SGK2: variants seen among roughly 807,000 people sequenced by gnomAD.
SGK2 encodes serine/threonine-protein kinase Sgk2.
A neutral mutation model predicts 47.5 loss-of-function variants in SGK2; 36 were observed. The observed-to-expected ratio is 0.76, with a 90% CI of 0.58 to 1.00. The LOEUF is 1.00. SGK2 is among the 50% of genes least tolerant of loss of function. SGK2 has a pLI of 0.00. For missense variants in SGK2, 404 were observed against 467.4 expected (o/e 0.86, Z 1.25); for synonymous variants, 157 against 181.9 (o/e 0.86, Z 1.10).
At chr20:43,568,705 A>C in intron 5 of SGK2, among the ~76,000 whole-genome samples, 1 of 152,024 alleles carries the variant, frequency 6.6e-6, no homozygotes, top group East Asian at 1.9e-4. Flanking sequence ...TCCTGGCCTC[A>C]AGAGATCCGC....
At chr20:43,573,803 G>A (rs1321217339) in intron 9 of SGK2, among the ~76,000 whole-genome samples, 1 of 152,156 alleles carries the variant, frequency 6.6e-6, no homozygotes, top group Non-Finnish European at 1.5e-5. Context: ...GTGTTTGCTG[G>A]ATAAAGCCAG....
intron 7 of SGK2, 45 bp downstream of exon 7, chr20:43,570,774 C>A: frequency 6.9e-7 from 1 of 1,439,570 alleles, no homozygotes; most frequent in Non-Finnish European, 9.7e-7. Context: ...GCCCTTCTTG[C>A]TCCAACAGCT....
intron 1 of SGK2, among the ~76,000 whole-genome samples, chr20:43,560,136 A>G (rs909256677): frequency 2.6e-5 from 4 of 152,070 alleles, no homozygotes; most frequent in African/African-American, 9.7e-5. Context: ...CCCACCAGGA[A>G]CTCAGTACTT....
chr20:43,564,832 A>G (rs1979591599), intron 1 of SGK2: 1 of 152,650 alleles, frequency 6.6e-6, no homozygotes, highest in South Asian at 2.1e-4. Context: ...TGACACATAC[A>G]TGCAATCATC....
At chr20:43,569,114 A>T (rs1393649276) in intron 5 of SGK2, among the ~76,000 whole-genome samples, 1 of 152,158 alleles carries the variant, frequency 6.6e-6, no homozygotes, top group East Asian at 1.9e-4. Flanking sequence ...TTTGCTTTTC[A>T]CTCCAAGGGC....
At chr20:43,573,530 G>A (rs929329430) in intron 9 of SGK2, among the ~76,000 whole-genome samples, 3 of 150,586 alleles carry the variant, frequency 2.0e-5, no homozygotes, top group African/African-American at 7.3e-5. Flanking sequence ...ACTCCCACCA[G>A]TCTTGGACCT....
Position 43,572,114 on chromosome 20 carries a change from TC to T in SGK2, c.576del (p.Thr193HisfsTer103). 1 of 1,549,358 alleles carries T rather than the reference TC, an allele frequency of 6.5e-7. No individual in the cohort carries two copies. Among genetic ancestry groups the T allele is most frequent in the East Asian group, 2.4e-5 (1 of 41,002 alleles). On this transcript the variant is annotated frameshift_variant, in exon 9 of 13. Coordinates refer to ENST00000373100, the MANE Select transcript of SGK2 (RefSeq NM_170693.3). LOFTEE classifies it high-confidence loss of function. The surrounding 1 kb of genome is among the most constrained non-coding windows in gnomAD (Gnocchi z 4.2). The part of the protein sequence containing the change: ...KEGVEPEDTT[S>X]TFCGTPEYLA... ...AGGTGTAGAGCCTGAAGACACCACA[TC>T]CACATTCTGTGGTACCCCTGAGGTA...
At chr20:43,559,672 G>C (rs1979274298) in intron 1 of SGK2, among the ~76,000 whole-genome samples, 1 of 152,202 alleles carries the variant, frequency 6.6e-6, no homozygotes, top group South Asian at 2.1e-4. Flanking sequence ...GTGAAGACAG[G>C]GACAGCAGCA....
At chr20:43,569,603 G>C (rs973162894) in intron 6 of SGK2, 87 bp downstream of exon 6, 6 of 1,485,006 alleles carry the variant, frequency 4.0e-6, no homozygotes, top group Non-Finnish European at 5.5e-6. Flanking sequence ...CCAAGTTCTG[G>C]AATGATCTCA....
chr20:43,566,274 T>C, intron 1 of SGK2, 199 bp from the exon 2 acceptor site: 2 of 1,467,210 alleles, frequency 1.4e-6, no homozygotes, highest in Non-Finnish European at 9.4e-7. Context: ...AGATGTTTGT[T>C]AGGAAGTCTG....
intron 1 of SGK2, chr20:43,566,240 G>T: frequency 1.7e-6 from 2 of 1,197,452 alleles, no homozygotes; most frequent in South Asian, 3.0e-5. Context: ...GCCACACCCT[G>T]ACCATCCCCC....
At chr20:43,579,880 C>T in intron 11 of SGK2, 92 bp from the exon 12 acceptor site, 2 of 806,740 alleles carry the variant, frequency 2.5e-6, no homozygotes, top group Non-Finnish European at 4.4e-6. Flanking sequence ...CAGCCAGTTG[C>T]TTGTGGAGCT....
At chr20:43,571,520 T>A (rs1001573071) in intron 8 of SGK2, among the ~76,000 whole-genome samples, 5 of 151,972 alleles carry the variant, frequency 3.3e-5, no homozygotes, top group Admixed American at 2.0e-4. Context: ...TGAGCTGGGG[T>A]GGGTCTCTAG....
intron 1 of SGK2, among the ~76,000 whole-genome samples, chr20:43,563,307 C>A (rs1482053670): frequency 1.3e-5 from 2 of 152,078 alleles, no homozygotes; most frequent in Admixed American, 1.3e-4. Context: ...GGAGGAAAAT[C>A]CAGCACAAGA....
chr20:43,560,079 G>C (rs1241684297), intron 1 of SGK2, among the ~76,000 whole-genome samples: 1 of 152,154 alleles, frequency 6.6e-6, no homozygotes, highest in Non-Finnish European at 1.5e-5. Flanking sequence ...GGGGGTCACA[G>C]TCAAGGTGAT....
At position 43,584,956 on chromosome 20, in the gene SGK2, C is replaced by G; in HGVS notation, c.1044C>G (p.Ala348=). The G allele has an allele frequency of 6.2e-7, 1 of 1,614,126 alleles. No individual in the cohort carries two copies. The highest frequency in any genetic ancestry group is 1.1e-5 in the South Asian group (1 of 91,070). ...ACACTGTGGCCAGCAGCTCTGGGGCCTCAAGTGCATTCCTGGGATTTTCTT... is the reference window on the plus strand; with the variant it reads ...ACACTGTGGCCAGCAGCTCTGGGGCGTCAAGTGCATTCCTGGGATTTTCTT... ...TPDTVASSSG[A]SSAFLGFSYA... Residue 348 remains alanine (A), a synonymous_variant, in exon 13 of 13, where the codon GCC becomes GCG. Transcript: ENST00000373100.
Position 43,565,592 on chromosome 20 carries a change from C to A in SGK2, c.-23-881C>A, listed in dbSNP as rs960957920. 4.6e-5 allele frequency among the ~76,000 whole-genome samples: 7 copies of A among 152,300 alleles called. 1 individual carries two copies. Among genetic ancestry groups the A allele is most frequent in the Non-Finnish European group, 7.4e-5 (5 of 68,022 alleles). ...GATAGGAAATCTCTACTCAGAGAGG[C>A]TGGGCTGCAGCCCAGGCCCCACAGT... is the stretch of plus-strand genomic sequence containing the variant. On this transcript the variant is annotated intron_variant, in intron 1 of 12. Transcript: ENST00000373100.
At chr20:43,574,337 C>T (rs889572666) in intron 9 of SGK2, among the ~76,000 whole-genome samples, 7 of 152,140 alleles carry the variant, frequency 4.6e-5, no homozygotes, top group Admixed American at 4.6e-4. Context: ...CAGGGGTCAC[C>T]CCCTCCTTCC....
chr20:43,577,322 C>T (rs1044987510), intron 11 of SGK2, among the ~76,000 whole-genome samples: 3 of 145,646 alleles, frequency 2.1e-5, no homozygotes, highest in Non-Finnish European at 3.0e-5. Context: ...GGCTTCTTTG[C>T]GGAGAGTGGA....
Sources: allele counts gnomAD v4.1 joint callset (sites outside exome capture counted in the v4.1 genomes callset), GRCh38; gene constraint gnomAD v4.1.1; non-coding constraint Gnocchi (gnomAD v3.1); transcripts MANE v1.5; gene names NCBI Gene and HGNC (gene_info 2026-07-23, HGNC 2026-07-21).